Variants in TSHZ2 observed in about 807,000 individuals in gnomAD.
TSHZ2 encodes teashirt homolog 2.
Under a neutral mutation model 74.4 loss-of-function variants are expected in TSHZ2, and 21 were observed. The ratio of observed to expected loss-of-function variants is 0.28; its 90% CI spans 0.20 to 0.41. The LOEUF (loss-of-function observed/expected upper bound fraction) is 0.41. Among genes scored for constraint, TSHZ2 ranks in the 10% least tolerant of loss-of-function variants. The pLI, the probability that TSHZ2 is intolerant of heterozygous loss-of-function variation, is 1.00. For synonymous variants in TSHZ2, 540 were observed against 515.3 expected, an observed-to-expected ratio of 1.05 and a Z score of -0.65; for missense variants, 1,244 against 1,293.5, an observed-to-expected ratio of 0.96 and a Z score of 0.59.
At chr20:53,077,419 A>G (rs1013056759) in intron 1 of TSHZ2, among the ~76,000 whole-genome samples, 2 of 152,130 alleles carry the variant, frequency 1.3e-5, no homozygotes, top group African/African-American at 4.8e-5. Context: ...TCAAAAAAAA[A>G]AAAAAAAAGA....
At chr20:53,317,968 G>A (rs1979092406) in intron 2 of TSHZ2, among the ~76,000 whole-genome samples, 1 of 152,192 alleles carries the variant, frequency 6.6e-6, no homozygotes, top group Admixed American at 6.5e-5. Context: ...CAATTTGAAG[G>A]TTCTTTGGTG....
chr20:53,126,742 A>G (rs1986957077), intron 1 of TSHZ2, among the ~76,000 whole-genome samples: 1 of 152,190 alleles, frequency 6.6e-6, no homozygotes, highest in African/African-American at 2.4e-5. Flanking sequence ...GTAAAATATG[A>G]CCAAAGCTGA....
At chr20:53,434,269 A>G (rs1983957738) in intron 2 of TSHZ2, among the ~76,000 whole-genome samples, 1 of 152,228 alleles carries the variant, frequency 6.6e-6, no homozygotes, top group Non-Finnish European at 1.5e-5. Flanking sequence ...AGTGTTTCAC[A>G]TACATTATCT....
At chr20:53,321,266 A>T (rs1367551122) in intron 2 of TSHZ2, among the ~76,000 whole-genome samples, 1 of 151,800 alleles carries the variant, frequency 6.6e-6, no homozygotes, top group Non-Finnish European at 1.5e-5. Flanking sequence ...CCCTTATATC[A>T]TTCCTTCATA....
intron 2 of TSHZ2, among the ~76,000 whole-genome samples, chr20:53,349,725 AATT>A (rs1278427850): frequency 3.9e-5 from 6 of 151,974 alleles, no homozygotes; most frequent in Non-Finnish European, 7.4e-5. Context: ...TTTTAAAAAT[AATT>A]ATTAAGAAAT....
intron 2 of TSHZ2, among the ~76,000 whole-genome samples, chr20:53,345,809 C>G (rs1406825208): frequency 6.6e-6 from 1 of 151,718 alleles, no homozygotes; most frequent in Non-Finnish European, 1.5e-5. Context: ...CATCCTGCCA[C>G]CCCTAAGGCG....
chr20:53,429,353 C>T (rs1434774692), intron 2 of TSHZ2, among the ~76,000 whole-genome samples: 2 of 152,152 alleles, frequency 1.3e-5, no homozygotes, highest in African/African-American at 4.8e-5. Flanking sequence ...TGGCTGTGTC[C>T]CCACCCACAT....
chr20:53,188,061 T>G (rs1009592433), intron 1 of TSHZ2, among the ~76,000 whole-genome samples: 2 of 152,212 alleles, frequency 1.3e-5, no homozygotes, highest in Admixed American at 6.5e-5. Flanking sequence ...ATCATGACAC[T>G]TAATTCATCA....
chr20:53,144,411 G>A (rs79758234), intron 1 of TSHZ2, among the ~76,000 whole-genome samples: 14,748 of 152,186 alleles, frequency 0.097, 1,940 homozygotes, highest in African/African-American at 0.3. Context: ...CAGCTTGGAG[G>A]TTACAAGCAA....
At chr20:53,040,764 A>T (rs1984010637) in intron 1 of TSHZ2, among the ~76,000 whole-genome samples, 1 of 152,106 alleles carries the variant, frequency 6.6e-6, no homozygotes, top group Non-Finnish European at 1.5e-5. Context: ...ACCCTTACCC[A>T]GGTGCGGTGT....
chr20:53,216,055 CCA>C (rs1439740523), intron 1 of TSHZ2, among the ~76,000 whole-genome samples: 3 of 152,022 alleles, frequency 2.0e-5, no homozygotes, highest in Non-Finnish European at 4.4e-5. Flanking sequence ...ACCTTCTTCC[CCA>C]GTCAAATTCC....
Position 53,184,015 on chromosome 20 carries a change from G to A in TSHZ2, c.41-69484G>A, listed in dbSNP as rs372278218. 6.6e-5 allele frequency among the ~76,000 whole-genome samples: 10 copies of A among 152,170 alleles called. No individual in the cohort carries two copies. The East Asian group carries it at 1.7e-3, about 26-fold the overall frequency. ...TTGCCCACAACGCTATCCAGAAGAC[G>A]TGCAATGCCAAGGCCAACAGTCAGT... On this transcript the variant is annotated intron_variant, in intron 1 of 2. Transcript: ENST00000371497.
At chr20:53,280,503 A>G (rs1232735175) in intron 2 of TSHZ2, among the ~76,000 whole-genome samples, 1 of 152,188 alleles carries the variant, frequency 6.6e-6, no homozygotes, top group Non-Finnish European at 1.5e-5. Context: ...AGGATCCAAA[A>G]TGAGAGGGGG....
At chr20:53,011,509 C>T (rs905379258) in intron 1 of TSHZ2, among the ~76,000 whole-genome samples, 1 of 152,106 alleles carries the variant, frequency 6.6e-6, no homozygotes, top group East Asian at 1.9e-4. Context: ...CTATATAATC[C>T]TAATAGTTCA....
chr20:53,382,348 C>T (rs1260733634), intron 2 of TSHZ2, among the ~76,000 whole-genome samples: 1 of 152,172 alleles, frequency 6.6e-6, no homozygotes, highest in African/African-American at 2.4e-5. Flanking sequence ...TGCCCTTGGC[C>T]TTTGACTCTC....
At chr20:53,197,341 C>T (rs779106156) in intron 1 of TSHZ2, among the ~76,000 whole-genome samples, 8 of 152,128 alleles carry the variant, frequency 5.3e-5, no homozygotes, top group Non-Finnish European at 8.8e-5. Context: ...TCTCAACGTG[C>T]AGTTTTGGGT....
At chr20:53,223,954 G>A (rs1245172847) in intron 1 of TSHZ2, among the ~76,000 whole-genome samples, 1 of 151,924 alleles carries the variant, frequency 6.6e-6, no homozygotes, top group Non-Finnish European at 1.5e-5. Context: ...GGTAAAACTG[G>A]TGAAACCTGA....
At position 53,489,542 on chromosome 20, in the gene TSHZ2, T is replaced by G. The variant is rs1293145579; in HGVS notation, c.*2407T>G. On this transcript the variant is annotated 3_prime_UTR_variant, in exon 3 of 3. Transcript: ENST00000371497. ...GTGGATTCTCGAGCCCTTGCTCCAA[T>G]GGGGGGAGGAGATCAATACAATTCC... The G allele has an allele frequency of 4.8e-6, 1 of 207,988 alleles. No homozygotes were observed. The highest frequency in any genetic ancestry group is 2.3e-5 in the African/African-American group (1 of 43,140). 12.9% of individuals were successfully genotyped at this position (207,988 alleles called of 1,614,324 possible). A position where few individuals can be genotyped will look rare whatever the true frequency, so the allele number is the denominator to read the frequency against.
At chr20:53,179,536 G>A (rs761970850) in intron 1 of TSHZ2, 6 of 152,134 alleles carry the variant, frequency 3.9e-5, no homozygotes, top group South Asian at 2.1e-4. Flanking sequence ...CAAGGTTTCC[G>A]GCTGTTCCAG....
Sources: gnomAD v4.1 joint callset for allele counts (sites outside exome capture counted in the v4.1 genomes callset) on GRCh38, gnomAD v4.1.1 for gene constraint, MANE v1.5 for transcripts, NCBI Gene and HGNC (gene_info 2026-07-23, HGNC 2026-07-21) for gene names.